CCDC178: variants seen among roughly 807,000 people sequenced by gnomAD.
CCDC178 encodes coiled-coil domain containing 178.
In CCDC178, 126 loss-of-function variants were observed where a neutral mutation model predicts 117.4. That is an observed-to-expected ratio of 1.07 (90% CI 0.93 to 1.24). CCDC178 has a LOEUF of 1.24. Ranked by LOEUF, CCDC178 falls within the 50% of genes most tolerant of loss-of-function variation. The pLI, the probability that CCDC178 is intolerant of heterozygous loss-of-function variation, is 0.00. For missense variants in CCDC178, 1,030 were observed against 986.9 expected (o/e 1.04, Z -0.59); for synonymous variants, 283 against 313.4 (o/e 0.90, Z 1.02).
intron 20 of CCDC178, among the ~76,000 whole-genome samples, chr18:33,132,613 G>GA (rs1359884757): frequency 6.6e-6 from 1 of 151,644 alleles, no homozygotes; most frequent in Non-Finnish European, 1.5e-5. Context: ...CATGAAAAAT[G>GA]AGGTGTTGGC....
chr18:33,007,612 T>C (rs1166812698), intron 21 of CCDC178, among the ~76,000 whole-genome samples: 1 of 152,070 alleles, frequency 6.6e-6, no homozygotes, highest in East Asian at 1.9e-4. Context: ...ATTATATTGG[T>C]CCTCATATTG....
intron 14 of CCDC178, among the ~76,000 whole-genome samples, chr18:33,263,697 T>C (rs2059778862): frequency 6.6e-6 from 1 of 152,156 alleles, no homozygotes; most frequent in Non-Finnish European, 1.5e-5. Flanking sequence ...GAGAAGACGT[T>C]ACTACTCTTA....
chr18:33,410,450 AT>A (rs756840637), intron 3 of CCDC178, among the ~76,000 whole-genome samples: 100 of 152,098 alleles, frequency 6.6e-4, no homozygotes, highest in Middle Eastern at 6.8e-3. Context: ...ATGAAATAAC[AT>A]TTTTTTTCAA....
Position 33,254,251 on chromosome 18 carries a change from A to AACACAC in CCDC178, c.1410-8829_1410-8824dup, listed in dbSNP as rs34689445. Among the ~76,000 whole-genome samples, 621 of 135,450 alleles carry AACACAC rather than the reference A, an allele frequency of 4.6e-3. 2 individuals are homozygous for AACACAC. Among genetic ancestry groups the AACACAC allele is most frequent in the African/African-American group, 0.01 (379 of 36,662 alleles). The allele number at this position is 135,450 out of a possible 152,430, so 88.9% of individuals were successfully genotyped here. On this transcript the variant is annotated intron_variant, in intron 14 of 22. Coordinates refer to ENST00000383096, the MANE Select transcript of CCDC178 (RefSeq NM_001105528.4). ...GTCATTTATTCAACATCTATTGAGA[A>AACACAC]ACACACACACACACACACACACACA...
At chr18:33,185,101 G>A (rs1042690900) in intron 20 of CCDC178, among the ~76,000 whole-genome samples, 1 of 151,986 alleles carries the variant, frequency 6.6e-6, no homozygotes, top group Non-Finnish European at 1.5e-5. Flanking sequence ...ATGTGGGGGT[G>A]TGACTCCTTA....
At chr18:33,347,589 T>C (rs1218197916) in intron 8 of CCDC178, among the ~76,000 whole-genome samples, 1 of 152,164 alleles carries the variant, frequency 6.6e-6, no homozygotes, top group Non-Finnish European at 1.5e-5. Context: ...TAATTGTCTT[T>C]TTTAAATGAA....
intron 20 of CCDC178, among the ~76,000 whole-genome samples, chr18:33,132,852 A>G (rs271580): frequency 1 from 151,287 of 151,798 alleles, 75,392 homozygotes; most frequent in Non-Finnish European, 1. Context: ...ATTGTAATTT[A>G]TAATGATGAT....
At chr18:32,939,469 C>G (rs1001038086) in intron 22 of CCDC178, among the ~76,000 whole-genome samples, 1 of 151,982 alleles carries the variant, frequency 6.6e-6, no homozygotes, top group South Asian at 2.1e-4. Context: ...AATAGTCAAA[C>G]GTGGTATAAA....
At chr18:33,371,827 T>TA (rs1321562252) in intron 5 of CCDC178, among the ~76,000 whole-genome samples, 4 of 110,984 alleles carry the variant, frequency 3.6e-5, no homozygotes, top group Non-Finnish European at 8.1e-5. Flanking sequence ...ACATATGTAA[T>TA]AGTCAAAAGA....
At chr18:33,406,966 C>T (rs1239885916) in intron 3 of CCDC178, among the ~76,000 whole-genome samples, 4 of 152,242 alleles carry the variant, frequency 2.6e-5, no homozygotes, top group African/African-American at 4.8e-5. Flanking sequence ...TACGTGTTTA[C>T]GGGATATGGC....
chr18:32,937,568 CAG>C lies in CCDC178; in HGVS notation c.*441_*442del, dbSNP rs1300402561. 1.3e-5 allele frequency: 2 copies of C among 157,792 alleles called. No homozygotes were observed. The highest frequency in any genetic ancestry group is 4.8e-5 in the African/African-American group (2 of 41,500). 9.8% of individuals were successfully genotyped at this position (157,792 alleles called of 1,614,324 possible). A position where few individuals can be genotyped will look rare whatever the true frequency, so the allele number is the denominator to read the frequency against. On this transcript the variant is annotated 3_prime_UTR_variant, in exon 23 of 23. Transcript: ENST00000383096. ...AACACAAAAACAAAAGTACATTAGA[CAG>C]AGTGTCTCAAAGTGTCACATGGGCA...
chr18:32,946,794 T>C (rs1310654065), intron 22 of CCDC178, among the ~76,000 whole-genome samples: 1 of 151,346 alleles, frequency 6.6e-6, no homozygotes, highest in Non-Finnish European at 1.5e-5. Flanking sequence ...TTTTCTTTTT[T>C]TTTGAGACAG....
intron 15 of CCDC178, among the ~76,000 whole-genome samples, chr18:33,233,982 T>C (rs185442260): frequency 6.7e-4 from 102 of 152,236 alleles, no homozygotes; most frequent in Admixed American, 1.2e-3. Flanking sequence ...CCATCCAATT[T>C]CTGACAAGCA....
chr18:33,328,083 ATTTTTTTTTTTTTTTTTTTT>A (rs771034112), intron 10 of CCDC178: 25 of 100,714 alleles, frequency 2.5e-4, no homozygotes, highest in Admixed American at 2.7e-4. Flanking sequence ...TTATCCCTAG[ATTTTTTTTTTTTTTTTTTTT>A]TTTTTTTTTT....
At chr18:33,293,102 C>A (rs1324980332) in intron 12 of CCDC178, 57 bp downstream of exon 12, 20 of 1,210,652 alleles carry the variant, frequency 1.7e-5, no homozygotes, top group Non-Finnish European at 2.3e-5. Context: ...AAAAAGTTTA[C>A]TATTTATAAC....
At chr18:33,159,115 T>G (rs1163987286) in intron 20 of CCDC178, among the ~76,000 whole-genome samples, 1 of 152,118 alleles carries the variant, frequency 6.6e-6, no homozygotes, top group Non-Finnish European at 1.5e-5. Flanking sequence ...ATGTGATTAA[T>G]TTATTATGGG....
chr18:33,068,772 C>T (rs867349721), intron 21 of CCDC178, among the ~76,000 whole-genome samples: 9 of 152,234 alleles, frequency 5.9e-5, no homozygotes, highest in African/African-American at 1.7e-4. Context: ...GACAAGCATG[C>T]TCACTTTTAC....
At chr18:33,370,553 A>G (rs1327828329) in intron 5 of CCDC178, among the ~76,000 whole-genome samples, 1 of 151,992 alleles carries the variant, frequency 6.6e-6, no homozygotes, top group Non-Finnish European at 1.5e-5. Flanking sequence ...ATCTCTTAAA[A>G]ATAACTTTGA....
chr18:33,042,689 A>G (rs927566209), intron 21 of CCDC178, among the ~76,000 whole-genome samples: 1 of 151,952 alleles, frequency 6.6e-6, no homozygotes, highest in Admixed American at 6.6e-5. Context: ...GGTGAATTTT[A>G]CTATTTTTAG....
Sources: gnomAD v4.1 joint callset for allele counts (sites outside exome capture counted in the v4.1 genomes callset) on GRCh38, gnomAD v4.1.1 for gene constraint, MANE v1.5 for transcripts, NCBI Gene and HGNC (gene_info 2026-07-23, HGNC 2026-07-21) for gene names.